THADA: variants seen among roughly 807,000 people sequenced by gnomAD.
THADA encodes tRNA (32-2'-O)-methyltransferase regulator THADA.
THADA carries 213 observed loss-of-function variants against 219.8 expected under a neutral mutation model. The observed-to-expected ratio is 0.97, with a 90% CI of 0.87 to 1.09. The LOEUF (loss-of-function observed/expected upper bound fraction) is 1.09, where lower values mean the gene tolerates loss of function less well. Among genes scored for constraint, THADA ranks in the 50% least tolerant of loss-of-function variants. THADA has a pLI of 0.00. For missense variants in THADA, 2,956 were observed against 2,311.3 expected (o/e 1.28, Z -5.72); for synonymous variants, 1,018 against 828.9 (o/e 1.23, Z -3.92).
chr2:43,419,244 C>T (rs1677395469), intron 28 of THADA, among the ~76,000 whole-genome samples: 1 of 152,030 alleles, frequency 6.6e-6, no homozygotes, highest in Non-Finnish European at 1.5e-5. Context: ...TATAAAGAGA[C>T]AGAGAAGAAT....
At chr2:43,575,521 G>C (rs1470310038) in intron 10 of THADA, among the ~76,000 whole-genome samples, 1 of 152,126 alleles carries the variant, frequency 6.6e-6, no homozygotes, top group African/African-American at 2.4e-5. Flanking sequence ...CCTTGACTGT[G>C]ATGATTACAC....
chr2:43,510,516 A>G lies in THADA; in HGVS notation c.3375-1736T>C, dbSNP rs1188919988. Among the ~76,000 whole-genome samples, 3 of 152,116 alleles carry G rather than the reference A, an allele frequency of 2.0e-5. No homozygotes were observed. The East Asian group carries it at 5.8e-4, about 29-fold the overall frequency. On this transcript the variant is annotated intron_variant, in intron 22 of 37. Coordinates refer to ENST00000405975, the MANE Select transcript of THADA (RefSeq NM_022065.5). The stretch of plus-strand genomic sequence containing the variant: ...AAGATAAATGTCTTGTGTTTTGTGA[A>G]ATAATTTCTCTATTAATAATATTGC...
chr2:43,421,336 A>G (rs1677694876), intron 28 of THADA, among the ~76,000 whole-genome samples: 1 of 152,164 alleles, frequency 6.6e-6, no homozygotes, highest in Admixed American at 6.5e-5. Flanking sequence ...CAGCGGGGGA[A>G]GGGTGGGGGC....
chr2:43,381,246 A>G (rs1007003939), intron 29 of THADA, among the ~76,000 whole-genome samples: 3 of 152,166 alleles, frequency 2.0e-5, no homozygotes, highest in Non-Finnish European at 4.4e-5. Context: ...AAATAATGTA[A>G]TACTGGATTA....
At chr2:43,318,475 T>C (rs913074587) in intron 31 of THADA, among the ~76,000 whole-genome samples, 2 of 152,220 alleles carry the variant, frequency 1.3e-5, no homozygotes, top group African/African-American at 2.4e-5. Context: ...GGAATTTTAT[T>C]TTTAACTCAT....
At chr2:43,367,355 A>G (rs1228689145) in intron 29 of THADA, among the ~76,000 whole-genome samples, 5 of 151,790 alleles carry the variant, frequency 3.3e-5, no homozygotes, top group South Asian at 2.1e-4. Flanking sequence ...AAAAAATTTA[A>G]TTAAAAAATT....
At chr2:43,260,039 A>G (rs1303777359) in intron 36 of THADA, among the ~76,000 whole-genome samples, 1 of 152,108 alleles carries the variant, frequency 6.6e-6, no homozygotes, top group Non-Finnish European at 1.5e-5. Context: ...GCTGGAGTAC[A>G]GTGGAATGAT....
At chr2:43,323,769 G>A (rs1679016094) in intron 30 of THADA, among the ~76,000 whole-genome samples, 2 of 152,096 alleles carry the variant, frequency 1.3e-5, no homozygotes. Context: ...CCACCAGGGT[G>A]GACTGGAGAA....
At chr2:43,264,270 G>C (rs1671276434) in intron 36 of THADA, among the ~76,000 whole-genome samples, 1 of 151,528 alleles carries the variant, frequency 6.6e-6, no homozygotes, top group Admixed American at 6.6e-5. Context: ...GATAGAAGTA[G>C]CTTTCTCTTT....
chr2:43,240,787 CG>C (rs1222232570), intron 36 of THADA, among the ~76,000 whole-genome samples: 2 of 152,186 alleles, frequency 1.3e-5, no homozygotes, highest in African/African-American at 4.8e-5. Context: ...AAGTCTGGGT[CG>C]GGGAACATAG....
intron 28 of THADA, among the ~76,000 whole-genome samples, chr2:43,415,680 G>A (rs769662392): frequency 4.6e-5 from 7 of 152,076 alleles, no homozygotes; most frequent in African/African-American, 7.2e-5. Context: ...ATTGCCCAGC[G>A]ACACTAGTTC....
intron 29 of THADA, among the ~76,000 whole-genome samples, chr2:43,379,825 T>A (rs1671788705): frequency 6.6e-6 from 1 of 152,204 alleles, no homozygotes; most frequent in African/African-American, 2.4e-5. Context: ...GTAAACAAAC[T>A]TGGTATATCC....
At chr2:43,284,015 C>T (rs1376453745) in intron 35 of THADA, among the ~76,000 whole-genome samples, 3 of 152,118 alleles carry the variant, frequency 2.0e-5, no homozygotes, top group African/African-American at 4.8e-5. Flanking sequence ...CCTGTCTCTA[C>T]TAAAAGTACA....
intron 7 of THADA, among the ~76,000 whole-genome samples, chr2:43,585,589 C>T (rs1460407097): frequency 6.9e-6 from 1 of 145,916 alleles, no homozygotes; most frequent in Non-Finnish European, 1.5e-5. Context: ...GAAAGAAATA[C>T]ATAATTGCCC....
chr2:43,400,457 T>TTATACATATATA (rs1553427509), intron 28 of THADA, among the ~76,000 whole-genome samples: 1 of 89,904 alleles, frequency 1.1e-5, no homozygotes. Context: ...ATAGACAAAT[T>TTATACATATATA]TATATATATA....
intron 36 of THADA, among the ~76,000 whole-genome samples, chr2:43,234,665 T>C (rs189153887): frequency 6.6e-6 from 1 of 152,334 alleles, no homozygotes; most frequent in African/African-American, 2.4e-5. Flanking sequence ...CCTTCAACTT[T>C]TATTGATTGA....
chr2:43,382,981 T>C (rs1164944470), intron 29 of THADA, among the ~76,000 whole-genome samples: 2 of 152,124 alleles, frequency 1.3e-5, no homozygotes, highest in East Asian at 1.9e-4. Context: ...AATTTAACAA[T>C]AAAATCTCAA....
At position 43,590,845 on chromosome 2, in the gene THADA, G is replaced by A. The variant is rs755086995; in HGVS notation, c.281C>T (p.Pro94Leu). 6.2e-7 allele frequency: 1 copy of A among 1,613,004 alleles called. No individual in the cohort carries two copies. Among genetic ancestry groups the A allele is most frequent in the South Asian group, 1.1e-5 (1 of 90,964 alleles). Residue 94 changes from proline to leucine, a missense_variant, in exon 4 of 38, where the codon CCC becomes CTC. Physicochemically the swap from Pro to Leu is moderately conservative, Grantham distance 98 (BLOSUM62 -3). Coordinates refer to ENST00000405975, the MANE Select transcript of THADA (RefSeq NM_022065.5). ...TTACCTTGCCAATACTTTCTTCAAG[G>A]GATTCTTTAGACTCAAAGAAAGATA... ...GIYLSLSLKN[P>L]LKKVLASSLN...
intron 22 of THADA, among the ~76,000 whole-genome samples, chr2:43,517,051 G>A (rs1183698868): frequency 6.6e-6 from 1 of 152,038 alleles, no homozygotes; most frequent in African/African-American, 2.4e-5. Flanking sequence ...CATTGGGGTG[G>A]GGGTTAAAGT....
Sources: gnomAD v4.1 joint callset for allele counts (sites outside exome capture counted in the v4.1 genomes callset) on GRCh38, gnomAD v4.1.1 for gene constraint, MANE v1.5 for transcripts, NCBI Gene and HGNC (gene_info 2026-07-23, HGNC 2026-07-21) for gene names.